DYNC2H1: variants seen among roughly 807,000 people sequenced by gnomAD.
DYNC2H1 encodes the protein cytoplasmic dynein 2 heavy chain 1.
In DYNC2H1, 410 loss-of-function variants were observed where a neutral mutation model predicts 570.0. The ratio of observed to expected loss-of-function variants is 0.72; its 90% CI spans 0.66 to 0.78. The LOEUF (loss-of-function observed/expected upper bound fraction) is 0.78, where lower values mean the gene tolerates loss of function less well. DYNC2H1 is among the 30% of genes least tolerant of loss of function. The probability of loss-of-function intolerance (pLI) is 0.00; values close to 1 mark genes in which losing one functional copy is unlikely to be tolerated. For missense variants in DYNC2H1, 4,865 were observed against 5,046.4 expected, an observed-to-expected ratio of 0.96 and a Z score of 1.09; for synonymous variants, 1,688 against 1,677.6, an observed-to-expected ratio of 1.01 and a Z score of -0.15.
chr11:103,300,430 A>T (rs569009957), intron 75 of DYNC2H1, among the ~76,000 whole-genome samples: 27 of 152,000 alleles, frequency 1.8e-4, no homozygotes, highest in Non-Finnish European at 3.5e-4. Context: ...GTTTTGAATG[A>T]TTCATATTGA....
intron 83 of DYNC2H1, among the ~76,000 whole-genome samples, chr11:103,374,648 C>T (rs1343384330): frequency 1.3e-5 from 2 of 152,132 alleles, no homozygotes; most frequent in African/African-American, 4.8e-5. Context: ...AGATGAAAAA[C>T]TTGTTGGGAA....
chr11:103,234,753 T>A (rs940031843), intron 61 of DYNC2H1, among the ~76,000 whole-genome samples: 8 of 151,930 alleles, frequency 5.3e-5, no homozygotes, highest in Non-Finnish European at 2.9e-5. Flanking sequence ...TCCAGACTAC[T>A]GAGTTTTAAA....
chr11:103,121,084 A>G, intron 9 of DYNC2H1, 48 bp downstream of exon 9: 2 of 1,252,354 alleles, frequency 1.6e-6, no homozygotes, highest in Non-Finnish European at 2.2e-6. Flanking sequence ...ATATTTTTGT[A>G]TATTACTTTT....
intron 84 of DYNC2H1, among the ~76,000 whole-genome samples, chr11:103,427,963 A>G (rs544961640): frequency 6.5e-4 from 98 of 151,788 alleles, no homozygotes; most frequent in Middle Eastern, 3.4e-3. Context: ...TATAATATGA[A>G]TATATATAAA....
Position 103,109,658 on chromosome 11 carries a change from G to C in DYNC2H1, c.84G>C (p.Trp28Cys), listed in dbSNP as rs1858014368. Residue 28 changes from tryptophan to cysteine, a missense_variant, in exon 1 of 89, where the codon TGG becomes TGC. By Grantham distance (215) the Trp-to-Cys change is radical. This residue lies in a region of DYNC2H1 where 1,936 missense variants were observed against 1,962.1 expected (regional missense o/e 0.99). Coordinates refer to ENST00000375735, the MANE Select transcript of DYNC2H1 (RefSeq NM_001377.3). Reference protein sequence around the residue: ...QNYFGLMSELWDQPLLCNCLE... With the variant: ...QNYFGLMSELCDQPLLCNCLE... ...ACTTCGGGTTGATGTCTGAACTCTG[G>C]GATCAGCCACTGTTGTGCAACTGTC... 1 of 1,613,938 alleles carries C rather than the reference G, an allele frequency of 6.2e-7. No homozygotes were observed. The highest frequency in any genetic ancestry group is 8.5e-7 in the Non-Finnish European group (1 of 1,179,880).
chr11:103,425,506 C>T (rs945468328), intron 84 of DYNC2H1, among the ~76,000 whole-genome samples: 1 of 152,084 alleles, frequency 6.6e-6, no homozygotes, highest in Non-Finnish European at 1.5e-5. Context: ...ATAACCTTCA[C>T]CCTCATAACC....
At chr11:103,232,323 T>C (rs1864046402) in intron 60 of DYNC2H1, among the ~76,000 whole-genome samples, 1 of 151,952 alleles carries the variant, frequency 6.6e-6, no homozygotes, top group Admixed American at 6.6e-5. Context: ...TAAAATTATA[T>C]AGTCTTTTTT....
intron 84 of DYNC2H1, among the ~76,000 whole-genome samples, chr11:103,420,697 A>T (rs528750806): frequency 6.6e-6 from 1 of 152,368 alleles, no homozygotes; most frequent in Non-Finnish European, 1.5e-5. Flanking sequence ...GGTCATCACC[A>T]GGCCTGCCTT....
At chr11:103,293,218 C>G (rs930006732) in intron 75 of DYNC2H1, among the ~76,000 whole-genome samples, 1 of 151,436 alleles carries the variant, frequency 6.6e-6, no homozygotes, top group Admixed American at 6.6e-5. Context: ...TTTTTTTTGC[C>G]TTTAGCACTC....
intron 75 of DYNC2H1, among the ~76,000 whole-genome samples, chr11:103,293,786 T>C (rs1866707050): frequency 6.6e-6 from 1 of 152,108 alleles, no homozygotes; most frequent in East Asian, 1.9e-4. Context: ...ATTAAATTTC[T>C]CTGATATAGG....
intron 83 of DYNC2H1, 92 bp from the exon 84 acceptor site, chr11:103,399,571 A>G: frequency 6.8e-6 from 6 of 879,480 alleles, no homozygotes; most frequent in Non-Finnish European, 8.5e-6. Flanking sequence ...TTAAAACAGA[A>G]TAGAACAAAA....
intron 70 of DYNC2H1, among the ~76,000 whole-genome samples, chr11:103,276,330 T>C (rs1339091169): frequency 6.6e-6 from 1 of 152,160 alleles, no homozygotes; most frequent in Non-Finnish European, 1.5e-5. Context: ...GTATGTTTTG[T>C]ATAAATTGTG....
At chr11:103,201,000 T>C (rs1202972717) in intron 50 of DYNC2H1, among the ~76,000 whole-genome samples, 7 of 152,074 alleles carry the variant, frequency 4.6e-5, no homozygotes, top group Non-Finnish European at 1.5e-5. Context: ...CTAATTTTTG[T>C]AATTTTAGTA....
intron 47 of DYNC2H1, among the ~76,000 whole-genome samples, chr11:103,193,736 C>T (rs1194245978): frequency 6.6e-6 from 1 of 151,628 alleles, no homozygotes; most frequent in Non-Finnish European, 1.5e-5. Context: ...TTAGTAGAGA[C>T]AGGGCTTCTC....
intron 61 of DYNC2H1, among the ~76,000 whole-genome samples, chr11:103,235,370 A>G (rs1287886713): frequency 6.6e-6 from 1 of 151,874 alleles, no homozygotes; most frequent in African/African-American, 2.4e-5. Context: ...TTAGTTTACA[A>G]AGTGGTGCAA....
intron 6 of DYNC2H1, 70 bp from the exon 7 acceptor site, chr11:103,120,377 T>G (rs1858638778): frequency 7.4e-7 from 1 of 1,349,768 alleles, no homozygotes; most frequent in Admixed American, 2.5e-5. Context: ...CCAATATATC[T>G]AGATTTTAGA....
At chr11:103,458,644 T>C (rs1030698882) in intron 87 of DYNC2H1, among the ~76,000 whole-genome samples, 1 of 146,004 alleles carries the variant, frequency 6.8e-6, no homozygotes, top group Admixed American at 6.9e-5. Context: ...TCTTTCGTAG[T>C]ACAAATTTTT....
intron 83 of DYNC2H1, among the ~76,000 whole-genome samples, chr11:103,393,972 C>G (rs1348354066): frequency 1.3e-5 from 2 of 152,136 alleles, no homozygotes; most frequent in Non-Finnish European, 2.9e-5. Flanking sequence ...ATTCAATTAC[C>G]TCCCACTGGG....
intron 83 of DYNC2H1, among the ~76,000 whole-genome samples, chr11:103,391,580 T>C (rs1942152874): frequency 6.6e-6 from 1 of 152,234 alleles, no homozygotes; most frequent in East Asian, 1.9e-4. Flanking sequence ...GCTCTGATTT[T>C]TAGAATTTTC....
Sources: allele counts gnomAD v4.1 joint callset (sites outside exome capture counted in the v4.1 genomes callset), GRCh38; gene constraint gnomAD v4.1.1; regional missense constraint gnomAD v4.1.1; transcripts MANE v1.5; gene names NCBI Gene and HGNC (gene_info 2026-07-23, HGNC 2026-07-21).